The following PRSS55 variants were observed in gnomAD, a reference collection of about 807,000 sequenced individuals.
PRSS55 encodes probable serine protease UNQ9391/PRO34284.
In PRSS55, 41 loss-of-function variants were observed where a neutral mutation model predicts 23.6. That is an observed-to-expected ratio of 1.74 (90% confidence interval 1.35 to 2.26). The LOEUF is 2.26. Among genes scored for constraint, PRSS55 ranks in the 30% most tolerant of loss-of-function variants. The pLI is 0.00. For synonymous variants in PRSS55, 262 were observed against 175.5 expected (o/e 1.49, Z -3.90); for missense variants, 669 against 439.1 (o/e 1.52, Z -4.68).
At position 10,529,697 on chromosome 8, in the gene PRSS55, G is replaced by A; in HGVS notation, c.345G>A (p.Leu115=). Residue 115 remains leucine, a splice_region_variant and synonymous_variant, in exon 2 of 5, where the codon CTG becomes CTA. Transcript: ENST00000328655. ...CTCACTGCTTATATTCCGAGGAGCTGTTGTAAGTACCATGGGCCTCCCACT... is the reference window on the plus strand; with the variant it reads ...CTCACTGCTTATATTCCGAGGAGCTATTGTAAGTACCATGGGCCTCCCACT... ...TAAHCLYSEE[L]FPEELSVVLG... The A allele has an allele frequency of 1.2e-6, 2 of 1,611,754 alleles. No homozygotes were observed. Among genetic ancestry groups the A allele is most frequent in the East Asian group, 2.2e-5 (1 of 44,826 alleles).
chr8:10,527,897 C>G (rs915962369), intron 1 of PRSS55, among the ~76,000 whole-genome samples: 1 of 152,188 alleles, frequency 6.6e-6, no homozygotes. Context: ...TAAATAAAAT[C>G]AGAGAGGAAG....
At chr8:10,531,663 A>C in intron 3 of PRSS55, 118 bp downstream of exon 3, 1 of 1,415,324 alleles carries the variant, frequency 7.1e-7, no homozygotes. Context: ...CGCTCAGTGG[A>C]GTCTCACAGT....
At position 10,525,650 on chromosome 8, in the gene PRSS55, C is replaced by G; in HGVS notation, c.65C>G (p.Thr22Ser). ...ACGGGAACTCAGCTCGGTCCACGGACTCCTCTCCCAGAGGCTGGAGTGGCT... is the reference window on the plus strand; with the variant it reads ...ACGGGAACTCAGCTCGGTCCACGGAGTCCTCTCCCAGAGGCTGGAGTGGCT... Reference protein sequence around the residue: ...LVTGTQLGPRTPLPEAGVAIL... With the variant: ...LVTGTQLGPRSPLPEAGVAIL... Residue 22 changes from threonine to serine, a missense_variant, in exon 1 of 5, where the codon ACT (threonine) becomes AGT (serine). Thr to Ser is a moderately conservative substitution (Grantham distance 58, BLOSUM62 1). Coordinates refer to ENST00000328655, the MANE Select transcript of PRSS55 (RefSeq NM_198464.4). 2.5e-6 allele frequency: 4 copies of G among 1,614,184 alleles called. No homozygotes were observed. The highest frequency in any genetic ancestry group is 2.5e-6 in the Non-Finnish European group (3 of 1,180,024).
At position 10,538,620 on chromosome 8, in the gene PRSS55, G is replaced by A. The variant is rs546477008; in HGVS notation, c.886G>A (p.Glu296Lys). Residue 296 changes from glutamate to lysine, a missense_variant, in exon 5 of 5, where the codon GAG (glutamate) becomes AAG (lysine). Coordinates refer to ENST00000328655, the MANE Select transcript of PRSS55 (RefSeq NM_198464.4). Reference sequence around the variant, plus strand: ...GTTGGTGAACTACAACCTCTGGATCGAGAAAGTGACCCAGCTAGAGGGCAG... The same window carrying A: ...GTTGGTGAACTACAACCTCTGGATCAAGAAAGTGACCCAGCTAGAGGGCAG... ...TSLVNYNLWI[E>K]KVTQLEGRPF... 57 of 1,614,138 alleles carry A rather than the reference G, an allele frequency of 3.5e-5. No individual in the cohort carries two copies. Among genetic ancestry groups the A allele is most frequent in the South Asian group, 1.5e-4 (14 of 91,064 alleles).
At chr8:10,534,964 A>T (rs1422367935) in intron 4 of PRSS55, among the ~76,000 whole-genome samples, 1 of 152,218 alleles carries the variant, frequency 6.6e-6, no homozygotes, top group East Asian at 1.9e-4. Flanking sequence ...AATCCCATTC[A>T]CAATATCCGC....
chr8:10,544,235 G>A (rs991923303), intron 4 of PRSS55, among the ~76,000 whole-genome samples: 1 of 152,088 alleles, frequency 6.6e-6, no homozygotes, highest in Admixed American at 6.5e-5. Flanking sequence ...AGTTGTTATA[G>A]CTTTCTGAAT....
downstream of PRSS55, among the ~76,000 whole-genome samples, chr8:10,543,810 GCT>G (rs1243199108): frequency 1.3e-5 from 2 of 151,888 alleles, no homozygotes; most frequent in African/African-American, 4.8e-5. Context: ...TTAAGAGTGT[GCT>G]GTTTAATTTT....
intron 1 of PRSS55, among the ~76,000 whole-genome samples, chr8:10,526,989 G>C (rs1313809273): frequency 6.6e-6 from 1 of 152,088 alleles, no homozygotes; most frequent in African/African-American, 2.4e-5. Flanking sequence ...CTGCATCTCA[G>C]ACAGAGAGAC....
intron 4 of PRSS55, among the ~76,000 whole-genome samples, chr8:10,544,528 T>G (rs1222591054): frequency 6.6e-6 from 1 of 152,226 alleles, no homozygotes; most frequent in Non-Finnish European, 1.5e-5. Flanking sequence ...TTGATATAGT[T>G]TGATTTACAT....
chr8:10,535,417 A>G (rs1269048382), intron 4 of PRSS55, among the ~76,000 whole-genome samples: 2 of 152,216 alleles, frequency 1.3e-5, no homozygotes, highest in African/African-American at 4.8e-5. Context: ...AAAGCTGTAC[A>G]CCTACAACCA....
At chr8:10,537,158 C>T (rs192810809) in intron 4 of PRSS55, among the ~76,000 whole-genome samples, 327 of 152,290 alleles carry the variant, frequency 2.1e-3, no homozygotes, top group Non-Finnish European at 4.1e-3. Context: ...ATCAGTATAT[C>T]GAAGAGACAT....
intron 1 of PRSS55, among the ~76,000 whole-genome samples, chr8:10,527,703 C>G (rs1210803754): frequency 6.6e-6 from 1 of 152,232 alleles, no homozygotes; most frequent in Non-Finnish European, 1.5e-5. Flanking sequence ...TATCATAGTT[C>G]AGTCACTGAC....
chr8:10,532,021 A>T (rs1812285254), intron 3 of PRSS55, among the ~76,000 whole-genome samples: 1 of 152,146 alleles, frequency 6.6e-6, no homozygotes, highest in Non-Finnish European at 1.5e-5. Context: ...GTCTACTGGG[A>T]CAGAAAAATA....
Position 10,531,295 on chromosome 8 carries a change from T to C in PRSS55, c.348T>C (p.Phe116=), listed in dbSNP as rs1239512517. Residue 116 remains phenylalanine (F), a splice_region_variant and synonymous_variant, in exon 3 of 5, where the codon TTT becomes TTC. Transcript: ENST00000328655. The part of the protein sequence containing the change: ...AAHCLYSEEL[F]PEELSVVLGT... Reference sequence around the variant, plus strand: ...CCCCTCTCTGGTTCTCTGCCACCAGTCCAGAAGAACTGAGTGTCGTGCTGG... The same window carrying C: ...CCCCTCTCTGGTTCTCTGCCACCAGCCCAGAAGAACTGAGTGTCGTGCTGG... The C allele has an allele frequency of 8.7e-6, 14 of 1,613,840 alleles. No individual in the cohort carries two copies. Among genetic ancestry groups the C allele is most frequent in the African/African-American group, 1.3e-5 (1 of 75,026 alleles).
In PRSS55 at chr8:10,531,004, A is replaced by G. The variant is rs142627110; in HGVS notation, c.348-291A>G. On this transcript the variant is annotated intron_variant, in intron 2 of 4. Transcript: ENST00000328655. ...TTGTGGGCTGTGTAGAGTGCTCTAA[A>G]CCCAGCTCGGCCTTTGCTGTATTAG... Among the ~76,000 whole-genome samples the G allele has an allele frequency of 5.3e-3, 802 of 152,090 alleles. 8 individuals are homozygous for G. Among genetic ancestry groups the G allele is most frequent in the African/African-American group, 0.018 (761 of 41,490 alleles).
chr8:10,532,802 G>C lies in PRSS55; in HGVS notation c.599-104G>C, dbSNP rs1812316042. The C allele has an allele frequency of 2.1e-6, 3 of 1,427,300 alleles. No homozygotes were observed. In the East Asian group the frequency reaches 6.9e-5, roughly 33 times the overall value. The allele number at this position is 1,427,300 out of a possible 1,614,324, so 88.4% of individuals were successfully genotyped here. A position where few individuals can be genotyped will look rare whatever the true frequency, so the allele number is the denominator to read the frequency against. The stretch of plus-strand genomic sequence containing the variant: ...GGCTGCAGAGCCTGTGAAGGAAGGG[G>C]ATGGGGGCTGGGGGACACAGGGCCG... On this transcript the variant is annotated intron_variant, in intron 3 of 4. Transcript: ENST00000328655.
At chr8:10,552,724 C>A (rs1267938059) in intron 4 of PRSS55, among the ~76,000 whole-genome samples, 1 of 152,200 alleles carries the variant, frequency 6.6e-6, no homozygotes, top group East Asian at 1.9e-4. Flanking sequence ...AGACACATGA[C>A]CTCACACCTG....
chr8:10,547,087 T>TTGGA (rs1260277523), intron 4 of PRSS55, among the ~76,000 whole-genome samples: 2 of 152,166 alleles, frequency 1.3e-5, no homozygotes, highest in Non-Finnish European at 2.9e-5. Context: ...ACGCTCTGGC[T>TTGGA]TCACGGAGCC....
chr8:10,529,715 C>A lies in PRSS55; in HGVS notation c.347+16C>A. Reference sequence around the variant, plus strand: ...AGGAGCTGTTGTAAGTACCATGGGCCTCCCACTGCCACCTCTCAGGGCGCC... The same window carrying A: ...AGGAGCTGTTGTAAGTACCATGGGCATCCCACTGCCACCTCTCAGGGCGCC... On this transcript the variant is annotated intron_variant, in intron 2 of 4. Transcript: ENST00000328655. 6.2e-7 allele frequency: 1 copy of A among 1,602,580 alleles called. No individual in the cohort carries two copies. The highest frequency in any genetic ancestry group is 1.1e-5 in the South Asian group (1 of 89,922).
Sources: gnomAD v4.1 joint callset for allele counts (sites outside exome capture counted in the v4.1 genomes callset) on GRCh38, gnomAD v4.1.1 for gene constraint, MANE v1.5 for transcripts, NCBI Gene and HGNC (gene_info 2026-07-23, HGNC 2026-07-21) for gene names.